ALKBH8: variants seen among roughly 807,000 people sequenced by gnomAD.
ALKBH8 encodes the protein alkB homolog 8, tRNA methyltransferase, also known as tRNA (carboxymethyluridine(34)-5-O)-methyltransferase ALKBH8.
In ALKBH8, 36 loss-of-function variants were observed where a neutral mutation model predicts 59.8. That is an observed-to-expected ratio of 0.60 (90% CI 0.46 to 0.79). The LOEUF (loss-of-function observed/expected upper bound fraction) is 0.79. Among genes scored for constraint, ALKBH8 ranks in the 30% least tolerant of loss-of-function variants. The pLI is 0.00. For missense variants in ALKBH8, 768 were observed against 801.0 expected (o/e 0.96, Z 0.50); for synonymous variants, 276 against 273.6 (o/e 1.01, Z -0.09).
At position 107,505,145 on chromosome 11, in the gene ALKBH8, A is replaced by G; in HGVS notation, c.1508T>C (p.Val503Ala). Reference protein sequence around the residue: ...LRPGGKALIYVWAMEQEYNKQ... With the variant: ...LRPGGKALIYAWAMEQEYNKQ... ...ATTATATTCTTGTTCCATTGCCCAG[A>G]CATAAATGAGTGCCTTCCCACCTGG... The change falls in exon 12 of 12, where the codon GTC (valine) becomes GCC (alanine). Residue 503 changes from valine (V) to alanine (A), a missense_variant. Coordinates refer to ENST00000428149, the MANE Select transcript of ALKBH8 (RefSeq NM_138775.3). 1 of 1,551,326 alleles carries G rather than the reference A, an allele frequency of 6.4e-7. No individual in the cohort carries two copies. Among genetic ancestry groups the G allele is most frequent in the Non-Finnish European group, 8.7e-7 (1 of 1,146,908 alleles).
At chr11:107,564,084 C>A (rs535777502) in intron 1 of ALKBH8, among the ~76,000 whole-genome samples, 1 of 152,252 alleles carries the variant, frequency 6.6e-6, no homozygotes, top group South Asian at 2.1e-4. Flanking sequence ...TACTTGGATG[C>A]TCCCTGTGAC....
chr11:107,543,426 C>T (rs370161655), intron 7 of ALKBH8, among the ~76,000 whole-genome samples: 9 of 152,318 alleles, frequency 5.9e-5, no homozygotes, highest in African/African-American at 2.2e-4. Context: ...CTAGAATGCA[C>T]AGGACAATGC....
Position 107,522,344 on chromosome 11 carries a change from T to C in ALKBH8, c.1242A>G (p.Gly414=). ...LPSGSIVADI[G]CGNGKYLGIN... ...TGCCAAGATACTTTCCATTACCACATCCAATATCAGCCACTATTGAACCAC... is the reference window on the plus strand; with the variant it reads ...TGCCAAGATACTTTCCATTACCACACCCAATATCAGCCACTATTGAACCAC... Residue 414 remains glycine, a synonymous_variant, in exon 10 of 12, where the codon GGA becomes GGG. Transcript: ENST00000428149. 16 of 1,551,574 alleles carry C rather than the reference T, an allele frequency of 1.0e-5. No individual in the cohort carries two copies. Among genetic ancestry groups the C allele is most frequent in the African/African-American group, 1.4e-5 (1 of 73,118 alleles).
chr11:107,509,126 A>T, intron 11 of ALKBH8, among the ~76,000 whole-genome samples: 1 of 152,218 alleles, frequency 6.6e-6, no homozygotes, highest in Non-Finnish European at 1.5e-5. Flanking sequence ...CATTCCCACC[A>T]GCAATGCACA....
intron 8 of ALKBH8, among the ~76,000 whole-genome samples, chr11:107,528,007 C>T (rs757198459): frequency 1.3e-4 from 20 of 151,894 alleles, no homozygotes; most frequent in Non-Finnish European, 2.2e-4. Flanking sequence ...CCTAGTTTGC[C>T]GGGCTTTATC....
At chr11:107,553,019 C>T in intron 5 of ALKBH8, 89 bp downstream of exon 5, 1 of 752,966 alleles carries the variant, frequency 1.3e-6, no homozygotes, top group Non-Finnish European at 2.0e-6. Context: ...CTACAAATGA[C>T]AAAAGAAACA....
At position 107,560,880 on chromosome 11, in the gene ALKBH8, T is replaced by C. The variant is rs958389377; in HGVS notation, c.14A>G (p.His5Arg). The C allele has an allele frequency of 1.9e-6, 3 of 1,612,590 alleles. No individual in the cohort carries two copies. The highest frequency in any genetic ancestry group is 2.5e-6 in the Non-Finnish European group (3 of 1,179,370). The change falls in exon 2 of 12, where the codon CAT becomes CGT. Residue 5 changes from histidine (H) to arginine (R), a missense_variant. His to Arg is a conservative substitution (Grantham distance 29, BLOSUM62 0). Transcript: ENST00000428149. Reference sequence around the variant, plus strand: ...TTTACTGAGTTTGTAATTACTTTGATGGTTGCTGTCCATAGCAAACTGTAA... The same window carrying C: ...TTTACTGAGTTTGTAATTACTTTGACGGTTGCTGTCCATAGCAAACTGTAA... MDSN[H>R]QSNYKLSKTE... is the part of the protein sequence containing the mutation.
intron 8 of ALKBH8, among the ~76,000 whole-genome samples, chr11:107,525,984 G>T (rs1263253622): frequency 6.6e-6 from 1 of 151,972 alleles, no homozygotes; most frequent in Non-Finnish European, 1.5e-5. Flanking sequence ...TACTGGACTG[G>T]ATTTTTAAAA....
intron 2 of ALKBH8, among the ~76,000 whole-genome samples, chr11:107,560,059 T>C (rs1238029004): frequency 3.3e-5 from 5 of 152,162 alleles, no homozygotes; most frequent in African/African-American, 1.2e-4. Context: ...AACAATCTAA[T>C]GGGGTTAAAA....
chr11:107,548,241 CT>C (rs538119935), intron 7 of ALKBH8, among the ~76,000 whole-genome samples: 357 of 152,306 alleles, frequency 2.3e-3, no homozygotes, highest in African/African-American at 8.2e-3. Flanking sequence ...TACGAACAGC[CT>C]CTGCCTCCAT....
intron 3 of ALKBH8, among the ~76,000 whole-genome samples, chr11:107,554,933 C>T (rs1002466961): frequency 6.6e-6 from 1 of 152,150 alleles, no homozygotes; most frequent in Admixed American, 6.5e-5. Context: ...TTATTCAGTG[C>T]TGCCTGGTAG....
At chr11:107,525,615 T>A in intron 8 of ALKBH8, 23 bp from the exon 9 acceptor site, 1 of 1,348,750 alleles carries the variant, frequency 7.4e-7, no homozygotes, top group Non-Finnish European at 9.6e-7. Context: ...GTCAAAAAAA[T>A]TTACTTAACA....
Position 107,522,412 on chromosome 11 carries a change from T to C in ALKBH8, c.1174A>G (p.Thr392Ala). 6.4e-7 allele frequency: 1 copy of C among 1,551,708 alleles called. No homozygotes were observed. The highest frequency in any genetic ancestry group is 8.7e-7 in the Non-Finnish European group (1 of 1,147,006). Residue 392 changes from threonine (T) to alanine (A), a missense_variant, in exon 10 of 12, where the codon ACC (threonine) becomes GCC (alanine). Transcript: ENST00000428149. ...IAGHFSSTRH[T>A]PWPHIVEFLK... ...AACTCCACAATGTGCGGCCAAGGGG[T>C]ATGTCTTGTGCTGCTGAAGTGCCCA...
In ALKBH8 at chr11:107,522,444, T is replaced by C; in HGVS notation, c.1142A>G (p.Glu381Gly). The C allele has an allele frequency of 6.4e-7, 1 of 1,551,778 alleles. No homozygotes were observed. The highest frequency in any genetic ancestry group is 8.7e-7 in the Non-Finnish European group (1 of 1,147,024). ...EQEYVHQVYE[E>G]IAGHFSSTRH... is the part of the protein sequence containing the mutation. Reference sequence around the variant, plus strand: ...TGTGCTGCTGAAGTGCCCAGCAATCTCTTCATAAACCTGATGGACGTACTC... The same window carrying C: ...TGTGCTGCTGAAGTGCCCAGCAATCCCTTCATAAACCTGATGGACGTACTC... Residue 381 changes from glutamate (E) to glycine (G), a missense_variant, in exon 10 of 12, where the codon GAG becomes GGG. Physicochemically the swap from Glu to Gly is moderately conservative, Grantham distance 98 (BLOSUM62 -2). Coordinates refer to ENST00000428149, the MANE Select transcript of ALKBH8 (RefSeq NM_138775.3).
At chr11:107,529,673 T>C (rs1052172825) in intron 8 of ALKBH8, among the ~76,000 whole-genome samples, 1 of 151,848 alleles carries the variant, frequency 6.6e-6, no homozygotes, top group Non-Finnish European at 1.5e-5. Flanking sequence ...CCTGGCTAAT[T>C]TTTGTATTTT....
chr11:107,551,181 C>T (rs1213789397), intron 6 of ALKBH8, among the ~76,000 whole-genome samples: 3 of 152,126 alleles, frequency 2.0e-5, no homozygotes, highest in Non-Finnish European at 4.4e-5. Context: ...TTCCATTACA[C>T]GTCTCCTATG....
At chr11:107,553,694 G>A (rs1198811952) in intron 4 of ALKBH8, among the ~76,000 whole-genome samples, 153 bp downstream of exon 4, 1 of 152,096 alleles carries the variant, frequency 6.6e-6, no homozygotes, top group Non-Finnish European at 1.5e-5. Flanking sequence ...TATTATTAAT[G>A]TTCCTAAGAA....
At chr11:107,565,576 C>T in intron 1 of ALKBH8, 25 bp downstream of exon 1, 1 of 1,535,668 alleles carries the variant, frequency 6.5e-7, no homozygotes. Context: ...TGCCCGTATG[C>T]CCGCCAGTAA....
At chr11:107,533,966 T>C (rs894624632) in intron 7 of ALKBH8, among the ~76,000 whole-genome samples, 3 of 152,018 alleles carry the variant, frequency 2.0e-5, no homozygotes, top group Non-Finnish European at 4.4e-5. Context: ...CTGTCTCTAC[T>C]ACAAATACAA....
Sources: gnomAD v4.1 joint callset for allele counts (sites outside exome capture counted in the v4.1 genomes callset) on GRCh38, gnomAD v4.1.1 for gene constraint, MANE v1.5 for transcripts, NCBI Gene and HGNC (gene_info 2026-07-23, HGNC 2026-07-21) for gene names.